Variants in MOSMO observed in about 807,000 individuals in gnomAD.
The protein encoded by MOSMO is modulator of smoothened.
Under a neutral mutation model 18.4 loss-of-function variants are expected in MOSMO, and 5 were observed. The observed-to-expected ratio is 0.27, with a 90% CI of 0.14 to 0.57. The LOEUF is 0.57. Ranked by LOEUF, MOSMO falls within the 20% of genes least tolerant of loss-of-function variation. MOSMO has a pLI of 0.92. For missense variants in MOSMO, 138 were observed against 211.8 expected (o/e 0.65, Z 2.16); for synonymous variants, 82 against 82.3 (o/e 1.00, Z 0.02).
chr16:22,076,485 G>A (rs1346566877), intron 2 of MOSMO: 1 of 152,140 alleles, frequency 6.6e-6, no homozygotes, highest in Non-Finnish European at 1.5e-5. Flanking sequence ...CAAATACATA[G>A]GACAGCCCCC....
At chr16:22,034,941 C>G (rs1900077948) in intron 1 of MOSMO, among the ~76,000 whole-genome samples, 1 of 151,484 alleles carries the variant, frequency 6.6e-6, no homozygotes, top group Non-Finnish European at 1.5e-5. Flanking sequence ...GTCATGTTGC[C>G]CAGGCTGGTC....
chr16:22,087,073 C>T (rs1901196582), downstream of MOSMO: 1 of 152,202 alleles, frequency 6.6e-6, no homozygotes, highest in African/African-American at 2.4e-5. Context: ...CCCATGGACT[C>T]CAGATCCTTT....
chr16:22,080,934 A>G lies in MOSMO; in HGVS notation c.*54A>G, dbSNP rs1186600613. 1 of 936,998 alleles carries G rather than the reference A, an allele frequency of 1.1e-6. No homozygotes were observed. The highest frequency in any genetic ancestry group is 1.4e-6 in the Non-Finnish European group (1 of 705,052). 58.0% of individuals were successfully genotyped at this position (936,998 alleles called of 1,614,324 possible). ...ATTTTTTATTTTATTTTATTTTTTT[A>G]TTTTTGGAGGGTGGAGAGGACAAAG... On this transcript the variant is annotated 3_prime_UTR_variant, in exon 3 of 3. Coordinates refer to ENST00000542527, the MANE Select transcript of MOSMO (RefSeq NM_001164579.2).
chr16:22,082,116 A>G lies in MOSMO; in HGVS notation c.*1236A>G, dbSNP rs1259428178. On this transcript the variant is annotated 3_prime_UTR_variant, in exon 3 of 3. Transcript: ENST00000542527. Reference sequence around the variant, plus strand: ...AAAGTTCGCTAGTAAATATCTGGCTATTTTGGCTATTTACAACACTAATTT... The same window carrying G: ...AAAGTTCGCTAGTAAATATCTGGCTGTTTTGGCTATTTACAACACTAATTT... 1.3e-5 allele frequency: 2 copies of G among 152,194 alleles called. No individual in the cohort carries two copies. The highest frequency in any genetic ancestry group is 3.8e-4 in the East Asian group (2 of 5,202). 9.4% of individuals were successfully genotyped at this position (152,194 alleles called of 1,614,324 possible).
At chr16:22,058,408 A>G (rs1666176875) in intron 1 of MOSMO, among the ~76,000 whole-genome samples, 1 of 150,908 alleles carries the variant, frequency 6.6e-6, no homozygotes. Context: ...CCTGGGTGAC[A>G]GAGCGAGACT....
At chr16:22,047,496 G>A (rs967598490) in intron 1 of MOSMO, among the ~76,000 whole-genome samples, 4 of 151,868 alleles carry the variant, frequency 2.6e-5, no homozygotes, top group Non-Finnish European at 5.9e-5. Context: ...CGCCCGCCTC[G>A]GCCTCCCAAA....
chr16:22,075,549 A>C lies in MOSMO; in HGVS notation c.169A>C (p.Ile57Leu), dbSNP rs1406406404. The change falls in exon 2 of 3, where the codon ATC (isoleucine) becomes CTC (leucine). Residue 57 changes from isoleucine to leucine, a missense_variant. Transcript: ENST00000542527. Reference sequence around the variant, plus strand: ...AATCCATGGACGAGACCGGACGTGCATCCCTCCCCGGCTTCCCCCGGAGTG... The same window carrying C: ...AATCCATGGACGAGACCGGACGTGCCTCCCTCCCCGGCTTCCCCCGGAGTG... The part of the protein sequence containing the change: ...QTIHGRDRTC[I>L]PPRLPPEWVT... 2.6e-6 allele frequency: 4 copies of C among 1,537,156 alleles called. No homozygotes were observed. Among genetic ancestry groups the C allele is most frequent in the African/African-American group, 2.7e-5 (2 of 73,032 alleles).
At chr16:22,014,768 A>G (rs1899604219) in intron 1 of MOSMO, among the ~76,000 whole-genome samples, 1 of 152,154 alleles carries the variant, frequency 6.6e-6, no homozygotes, top group South Asian at 2.1e-4. Context: ...CCTATCTCAA[A>G]CTTTATTTTA....
At chr16:22,086,734 T>C (rs1446849828), downstream of MOSMO, among the ~76,000 whole-genome samples, 3 of 152,220 alleles carry the variant, frequency 2.0e-5, no homozygotes, top group Non-Finnish European at 2.9e-5. Flanking sequence ...GTTGCTGATA[T>C]TGTCATTAGT....
chr16:22,075,886 A>G (rs887275773), intron 2 of MOSMO, 187 bp downstream of exon 2: 7 of 539,994 alleles, frequency 1.3e-5, no homozygotes, highest in Non-Finnish European at 2.3e-5. Context: ...AGACCAGGAC[A>G]TCCACAACTT....
chr16:22,076,798 C>T (rs1900978170), intron 2 of MOSMO, among the ~76,000 whole-genome samples: 1 of 152,178 alleles, frequency 6.6e-6, no homozygotes, highest in Non-Finnish European at 1.5e-5. Flanking sequence ...CTGTTTCTTC[C>T]TGTATTCTCT....
chr16:22,037,873 C>G (rs1900138125), intron 1 of MOSMO, among the ~76,000 whole-genome samples: 1 of 152,158 alleles, frequency 6.6e-6, no homozygotes, highest in South Asian at 2.1e-4. Context: ...TCTTTGAGCC[C>G]AATCCTTTTG....
chr16:22,036,888 A>G (rs1392937529), intron 1 of MOSMO, among the ~76,000 whole-genome samples: 1 of 152,240 alleles, frequency 6.6e-6, no homozygotes, highest in African/African-American at 2.4e-5. Flanking sequence ...GAATTTGAAG[A>G]GGTTGTCAAA....
chr16:22,055,891 A>T (rs962579583), intron 1 of MOSMO, among the ~76,000 whole-genome samples: 5 of 152,194 alleles, frequency 3.3e-5, no homozygotes, highest in Non-Finnish European at 1.5e-5. Context: ...GTGGAAAAGA[A>T]ATGACTTTTC....
intron 2 of MOSMO, among the ~76,000 whole-genome samples, chr16:22,078,231 T>G (rs1901011061): frequency 6.6e-6 from 1 of 152,104 alleles, no homozygotes. Flanking sequence ...AAATTGTGTC[T>G]TTACAAACTT....
intron 1 of MOSMO, among the ~76,000 whole-genome samples, chr16:22,063,727 A>G (rs1208867774): frequency 6.6e-6 from 1 of 152,194 alleles, no homozygotes; most frequent in African/African-American, 2.4e-5. Context: ...CTCTCCTGTG[A>G]ACTGACAAGA....
intron 1 of MOSMO, among the ~76,000 whole-genome samples, chr16:22,055,959 G>A (rs1020865473): frequency 6.6e-6 from 1 of 152,156 alleles, no homozygotes; most frequent in Non-Finnish European, 1.5e-5. Flanking sequence ...GAGTAGTTAG[G>A]CAGCCTTACT....
chr16:22,044,121 A>C (rs1048319086), intron 1 of MOSMO, among the ~76,000 whole-genome samples: 1 of 152,146 alleles, frequency 6.6e-6, no homozygotes, highest in African/African-American at 2.4e-5. Flanking sequence ...ATTATCTCCC[A>C]CCAGGTCCCT....
At chr16:22,084,740 C>T (rs917304545), downstream of MOSMO, 1 of 152,052 alleles carries the variant, frequency 6.6e-6, no homozygotes, top group African/African-American at 2.4e-5. Flanking sequence ...ACTTCCATGC[C>T]TCTTGGGTTG....
Sources: gnomAD v4.1 joint callset for allele counts (sites outside exome capture counted in the v4.1 genomes callset) on GRCh38, gnomAD v4.1.1 for gene constraint, MANE v1.5 for transcripts, NCBI Gene and HGNC (gene_info 2026-07-23, HGNC 2026-07-21) for gene names.